Variants in CAMSAP2 observed in about 807,000 individuals in gnomAD.
The protein encoded by CAMSAP2 is calmodulin regulated spectrin associated protein family member 2.
In CAMSAP2, 26 loss-of-function variants were observed where a neutral mutation model predicts 146.1. That is an observed-to-expected ratio of 0.18 (90% CI 0.13 to 0.25). CAMSAP2 has a LOEUF of 0.25. CAMSAP2 is among the 10% of genes least tolerant of loss of function. CAMSAP2 has a pLI of 1.00. For synonymous variants in CAMSAP2, 499 were observed against 596.6 expected, an observed-to-expected ratio of 0.84 and a Z score of 2.38; for missense variants, 1,381 against 1,759.3, an observed-to-expected ratio of 0.78 and a Z score of 3.85.
intron 2 of CAMSAP2, among the ~76,000 whole-genome samples, chr1:200,806,799 A>G (rs563141757): frequency 6.6e-6 from 1 of 151,126 alleles, no homozygotes; most frequent in Admixed American, 6.6e-5. Flanking sequence ...CTATCTATCT[A>G]TCTATCTATC....
intron 11 of CAMSAP2, 47 bp downstream of exon 11, chr1:200,850,281 G>A: frequency 1.4e-6 from 2 of 1,476,454 alleles, no homozygotes; most frequent in Non-Finnish European, 1.8e-6. Flanking sequence ...TTAGATGAGT[G>A]TGGTTGTGTT....
At chr1:200,793,497 A>G (rs1006227845) in intron 2 of CAMSAP2, among the ~76,000 whole-genome samples, 1 of 152,180 alleles carries the variant, frequency 6.6e-6, no homozygotes, top group African/African-American at 2.4e-5. Flanking sequence ...ATTATTTTTC[A>G]CTTTAGATCA....
chr1:200,843,894 T>A (rs1303702420), intron 7 of CAMSAP2, among the ~76,000 whole-genome samples: 1 of 151,998 alleles, frequency 6.6e-6, no homozygotes, highest in African/African-American at 2.4e-5. Flanking sequence ...GTTTTTGAGA[T>A]GGAGTCTCGC....
chr1:200,778,503 A>G (rs1665344021), intron 2 of CAMSAP2, among the ~76,000 whole-genome samples: 1 of 152,202 alleles, frequency 6.6e-6, no homozygotes, highest in Non-Finnish European at 1.5e-5. Context: ...TATAATTTCA[A>G]ATACTCATAG....
intron 2 of CAMSAP2, among the ~76,000 whole-genome samples, chr1:200,797,905 C>T (rs1380253058): frequency 6.6e-6 from 1 of 151,132 alleles, no homozygotes; most frequent in Admixed American, 6.6e-5. Flanking sequence ...GCCAGTTTTC[C>T]CAGCACCATT....
intron 2 of CAMSAP2, among the ~76,000 whole-genome samples, chr1:200,803,375 C>T (rs1210203342): frequency 6.6e-6 from 1 of 152,106 alleles, no homozygotes; most frequent in Non-Finnish European, 1.5e-5. Flanking sequence ...TGACAGAAAA[C>T]AGTAAAATGC....
chr1:200,825,941 T>C (rs1031030253), intron 4 of CAMSAP2, among the ~76,000 whole-genome samples: 13 of 152,200 alleles, frequency 8.5e-5, no homozygotes, highest in African/African-American at 2.9e-4. Flanking sequence ...CAGAATACTG[T>C]TATATGTGGC....
intron 2 of CAMSAP2, among the ~76,000 whole-genome samples, chr1:200,784,599 T>A (rs1665533858): frequency 6.6e-6 from 1 of 152,240 alleles, no homozygotes; most frequent in Non-Finnish European, 1.5e-5. Context: ...TGAACATTTT[T>A]TTTATCCTGT....
intron 2 of CAMSAP2, among the ~76,000 whole-genome samples, chr1:200,764,121 G>A (rs1257068482): frequency 6.6e-6 from 1 of 152,122 alleles, no homozygotes; most frequent in Non-Finnish European, 1.5e-5. Flanking sequence ...AAGAGTTAAT[G>A]TAAATTAACA....
rs1265326067 is a variant in CAMSAP2, at chr1:200,849,147, A to G, written c.2378A>G (p.Lys793Arg). 2 of 1,614,130 alleles carry G rather than the reference A, an allele frequency of 1.2e-6. No homozygotes were observed. The highest frequency in any genetic ancestry group is 1.7e-5 in the Admixed American group (1 of 60,016). ...GRTAFLTVVK[K>R]KGDGISPLRE... The stretch of plus-strand genomic sequence containing the variant: ...ACAGCATTCCTTACTGTAGTGAAAA[A>G]GAAAGGGGATGGGATATCTCCTCTA... Residue 793 changes from lysine (K) to arginine (R), a missense_variant, in exon 11 of 17, where the codon AAG becomes AGG. Physicochemically the swap from Lys to Arg is conservative, Grantham distance 26. Transcript: ENST00000358823. The surrounding 1 kb of genome is among the most constrained non-coding windows in gnomAD (Gnocchi z 6.3).
At chr1:200,810,888 C>CA (rs955835911) in intron 3 of CAMSAP2, among the ~76,000 whole-genome samples, 13 of 150,266 alleles carry the variant, frequency 8.7e-5, no homozygotes, top group South Asian at 6.4e-4. Flanking sequence ...AACTCCATCT[C>CA]AAAAAAAAAC....
At chr1:200,766,224 G>A (rs530523444) in intron 2 of CAMSAP2, among the ~76,000 whole-genome samples, 2 of 150,258 alleles carry the variant, frequency 1.3e-5, no homozygotes, top group Admixed American at 1.3e-4. Flanking sequence ...ACTCACTGTA[G>A]CCTCGACCTG....
intron 1 of CAMSAP2, among the ~76,000 whole-genome samples, chr1:200,753,089 G>A (rs1405144777): frequency 2.6e-5 from 4 of 151,908 alleles, no homozygotes; most frequent in Non-Finnish European, 4.4e-5. Flanking sequence ...GAGGTCAGGA[G>A]TTTGAGACCA....
chr1:200,817,701 T>C (rs1014103151), intron 4 of CAMSAP2, among the ~76,000 whole-genome samples: 8 of 152,234 alleles, frequency 5.3e-5, no homozygotes, highest in Non-Finnish European at 1.2e-4. Context: ...CTGTCTCTTA[T>C]CAACTTCAAT....
At chr1:200,850,353 G>A (rs566777061) in intron 11 of CAMSAP2, 119 bp downstream of exon 11, 62 of 817,762 alleles carry the variant, frequency 7.6e-5, no homozygotes, top group South Asian at 7.5e-4. Flanking sequence ...TTTGATACAA[G>A]TTCATCCCCA....
Position 200,853,224 on chromosome 1 carries a change from T to C in CAMSAP2, c.3603-51T>C, listed in dbSNP as rs1387237837. The C allele has an allele frequency of 6.8e-7, 1 of 1,462,022 alleles. No homozygotes were observed. Among genetic ancestry groups the C allele is most frequent in the African/African-American group, 1.4e-5 (1 of 71,242 alleles). 90.6% of individuals were successfully genotyped at this position (1,462,022 alleles called of 1,614,324 possible). On this transcript the variant is annotated intron_variant, in intron 12 of 16. Coordinates refer to ENST00000358823, the MANE Select transcript of CAMSAP2 (RefSeq NM_203459.4). This position sits in a 1 kb window ranked among gnomAD's most constrained non-coding sequence, Gnocchi z 5.1. ...ATCAAATACATAACTCTCTCCTGTATGGTTTGTCTTTGGTATGCAGAATAA... is the reference window on the plus strand; with the variant it reads ...ATCAAATACATAACTCTCTCCTGTACGGTTTGTCTTTGGTATGCAGAATAA...
intron 12 of CAMSAP2, among the ~76,000 whole-genome samples, chr1:200,852,947 TTAATTTAAATAATTATA>T (rs1667658345): frequency 6.6e-6 from 1 of 152,040 alleles, no homozygotes; most frequent in African/African-American, 2.4e-5. Context: ...TCTAGAAACA[TTAATTTAAATAATTATA>T]TGTTTAAAAA....
chr1:200,834,904 C>T (rs1174945512), intron 6 of CAMSAP2, among the ~76,000 whole-genome samples: 1 of 152,110 alleles, frequency 6.6e-6, no homozygotes. Context: ...AAACCAAGAC[C>T]CTGTCACCAA....
At chr1:200,852,227 A>AC (rs1350046033) in intron 11 of CAMSAP2, among the ~76,000 whole-genome samples, 6 of 152,298 alleles carry the variant, frequency 3.9e-5, no homozygotes, top group African/African-American at 1.4e-4. Context: ...GGAACTACCT[A>AC]CTGTAAGTTA....
Sources: allele counts gnomAD v4.1 joint callset (sites outside exome capture counted in the v4.1 genomes callset), GRCh38; gene constraint gnomAD v4.1.1; non-coding constraint Gnocchi (gnomAD v3.1); transcripts MANE v1.5; gene names NCBI Gene and HGNC (gene_info 2026-07-23, HGNC 2026-07-21).